Variants in MYO9A observed in about 807,000 individuals in gnomAD.
MYO9A encodes the protein unconventional myosin-IXa.
In MYO9A, 103 loss-of-function variants were observed where a neutral mutation model predicts 293.3. The observed-to-expected ratio is 0.35, with a 90% confidence interval of 0.30 to 0.41. The LOEUF is 0.41. Ranked by LOEUF, MYO9A falls within the 10% of genes least tolerant of loss-of-function variation. The pLI, the probability that MYO9A is intolerant of heterozygous loss-of-function variation, is 1.00. For missense variants in MYO9A, 2,685 were observed against 3,033.0 expected, an observed-to-expected ratio of 0.89 and a Z score of 2.69; for synonymous variants, 1,001 against 1,035.7, an observed-to-expected ratio of 0.97 and a Z score of 0.64.
At chr15:71,943,297 T>G (rs1194596777) in intron 15 of MYO9A, among the ~76,000 whole-genome samples, 2 of 152,048 alleles carry the variant, frequency 1.3e-5, no homozygotes, top group East Asian at 3.8e-4. Context: ...ACTGATTTCC[T>G]AAACTTGAAA....
chr15:71,950,229 A>G (rs1039761955), intron 15 of MYO9A: 1 of 152,206 alleles, frequency 6.6e-6, no homozygotes, highest in African/African-American at 2.4e-5. Flanking sequence ...AATGGAATAA[A>G]TTACATAAAA....
chr15:71,847,425 T>C (rs747185728), intron 39 of MYO9A: 3 of 455,130 alleles, frequency 6.6e-6, no homozygotes, highest in South Asian at 4.7e-5. Flanking sequence ...CGAGACTGAA[T>C]TGCGGGTAAT....
intron 29 of MYO9A, 30 bp downstream of exon 29, chr15:71,880,305 C>T (rs1247506141): frequency 6.3e-7 from 1 of 1,593,448 alleles, no homozygotes; most frequent in East Asian, 2.2e-5. Context: ...CAGAGCTGCT[C>T]CAGGGCCTGA....
chr15:72,104,378 A>G (rs1189698756), intron 1 of MYO9A, among the ~76,000 whole-genome samples: 2 of 152,244 alleles, frequency 1.3e-5, no homozygotes, highest in Non-Finnish European at 1.5e-5. Flanking sequence ...ACCCCACTGT[A>G]AGTAAGGAAG....
At chr15:71,975,423 G>GTGTGTGT (rs1386339311) in intron 12 of MYO9A, among the ~76,000 whole-genome samples, 2 of 151,350 alleles carry the variant, frequency 1.3e-5, no homozygotes, top group Admixed American at 1.3e-4. Context: ...GTGTGTGTGT[G>GTGTGTGT]TGTGTAGGTT....
intron 1 of MYO9A, among the ~76,000 whole-genome samples, chr15:72,054,178 T>C (rs2149836580): frequency 6.6e-6 from 1 of 152,268 alleles, no homozygotes; most frequent in South Asian, 2.1e-4. Flanking sequence ...GAAAATAAAA[T>C]TGAATTAAAC....
chr15:71,844,484 C>G (rs1260575443), intron 39 of MYO9A, among the ~76,000 whole-genome samples: 2 of 152,150 alleles, frequency 1.3e-5, no homozygotes, highest in Non-Finnish European at 2.9e-5. Flanking sequence ...TATTGAGAGT[C>G]AAATGCTCTA....
intron 13 of MYO9A, among the ~76,000 whole-genome samples, chr15:71,963,592 G>A (rs1317149121): frequency 6.6e-6 from 1 of 151,378 alleles, no homozygotes; most frequent in Non-Finnish European, 1.5e-5. Flanking sequence ...GGGATTACAG[G>A]CATACACGCC....
In MYO9A at chr15:71,994,667, G is replaced by A. The variant is rs116387150; in HGVS notation, c.1471-82C>T. 27 of 685,648 alleles carry A rather than the reference G, an allele frequency of 3.9e-5. No homozygotes were observed. The African/African-American group carries it at 4.2e-4, about 11-fold the overall frequency. The allele number at this position is 685,648 out of a possible 1,614,324, so 42.5% of individuals were successfully genotyped here. On this transcript the variant is annotated intron_variant, in intron 9 of 41. Transcript: ENST00000356056. ...GACAAAGTTGTTTGCTCCCATTCAAGAAAGAAACTTACTATCCTGAATTAG... is the reference window on the plus strand; with the variant it reads ...GACAAAGTTGTTTGCTCCCATTCAAAAAAGAAACTTACTATCCTGAATTAG...
At chr15:72,079,314 T>A (rs1341755081) in intron 1 of MYO9A, among the ~76,000 whole-genome samples, 1 of 151,968 alleles carries the variant, frequency 6.6e-6, no homozygotes, top group East Asian at 1.9e-4. Flanking sequence ...TAAAAGAAAA[T>A]TTAAAATTTT....
rs2078393290 is a variant in MYO9A, at chr15:72,046,643, T to A, written c.-71-9A>T. ...TTTTCTTGGTAAAATAACTGTAACA[T>A]AAAAGATGCAAAATATTTAGAAGTA... On this transcript the variant is annotated splice_polypyrimidine_tract_variant and intron_variant, in intron 1 of 41. Transcript: ENST00000356056. The A allele has an allele frequency of 6.9e-7, 1 of 1,449,058 alleles. No individual in the cohort carries two copies. Among genetic ancestry groups the A allele is most frequent in the South Asian group, 1.6e-5 (1 of 63,126 alleles). The allele number at this position is 1,449,058 out of a possible 1,614,324, so 89.8% of individuals were successfully genotyped here.
intron 12 of MYO9A, among the ~76,000 whole-genome samples, chr15:71,969,921 T>C (rs2075968629): frequency 6.6e-6 from 1 of 152,312 alleles, no homozygotes. Flanking sequence ...GGAGAACCTC[T>C]AGAGATTTGA....
intron 1 of MYO9A, among the ~76,000 whole-genome samples, chr15:72,069,843 T>C (rs1448411840): frequency 6.6e-6 from 1 of 151,772 alleles, no homozygotes; most frequent in Non-Finnish European, 1.5e-5. Flanking sequence ...GGGAGGCTGG[T>C]GTGGTGGCTC....
intron 18 of MYO9A, among the ~76,000 whole-genome samples, chr15:71,928,056 A>ATATATATATATATATATATAT (rs1567282448): frequency 1.7e-4 from 1 of 6,044 alleles, no homozygotes; most frequent in Non-Finnish European, 5.7e-4. Flanking sequence ...ATATATATAT[A>ATATATATATATATATATATAT]TTTTTTTTTT....
chr15:71,935,252 C>T, intron 17 of MYO9A, 89 bp downstream of exon 17: 1 of 1,339,202 alleles, frequency 7.5e-7, no homozygotes, highest in East Asian at 2.4e-5. Context: ...ATTTCACCAT[C>T]TTCCTTCTTC....
intron 1 of MYO9A, among the ~76,000 whole-genome samples, chr15:72,092,906 TACTTAC>T (rs1458302533): frequency 6.9e-6 from 1 of 145,902 alleles, no homozygotes; most frequent in African/African-American, 2.6e-5. Context: ...GCCACCACCT[TACTTAC>T]ACACACACAC....
intron 12 of MYO9A, among the ~76,000 whole-genome samples, chr15:71,970,781 T>C (rs1030326069): frequency 6.6e-6 from 1 of 152,204 alleles, no homozygotes; most frequent in Non-Finnish European, 1.5e-5. Context: ...TATAAAGTTC[T>C]TCATTTTATT....
intron 1 of MYO9A, among the ~76,000 whole-genome samples, chr15:72,101,306 G>C (rs1417215759): frequency 2.2e-5 from 3 of 138,116 alleles, no homozygotes; most frequent in Non-Finnish European, 3.2e-5. Flanking sequence ...TCAGCCCCCC[G>C]CCAGGCCAGC....
intron 39 of MYO9A, among the ~76,000 whole-genome samples, chr15:71,835,302 A>G (rs1371095796): frequency 2.0e-5 from 3 of 152,114 alleles, no homozygotes; most frequent in Non-Finnish European, 4.4e-5. Flanking sequence ...TAACTTACAT[A>G]AGAAAAAGAA....
Sources: gnomAD v4.1 joint callset for allele counts (sites outside exome capture counted in the v4.1 genomes callset) on GRCh38, gnomAD v4.1.1 for gene constraint, MANE v1.5 for transcripts, NCBI Gene and HGNC (gene_info 2026-07-23, HGNC 2026-07-21) for gene names.